TRHDE: variants seen among roughly 807,000 people sequenced by gnomAD.
TRHDE encodes the protein thyrotropin releasing hormone degrading enzyme, also known as thyrotropin-releasing hormone-degrading ectoenzyme.
In TRHDE, 72 loss-of-function variants were observed where a neutral mutation model predicts 125.7. The observed-to-expected ratio is 0.57, with a 90% CI of 0.47 to 0.70. The LOEUF is 0.70. Ranked by LOEUF, TRHDE falls within the 30% of genes least tolerant of loss-of-function variation. The probability of loss-of-function intolerance (pLI) is 0.00; values close to 1 mark genes in which losing one functional copy is unlikely to be tolerated. For missense variants in TRHDE, 1,110 were observed against 1,327.1 expected (o/e 0.84, Z 2.54); for synonymous variants, 509 against 509.1 (o/e 1.00, Z 0.00).
chr12:72,341,145 T>TTA (rs1870066732), intron 2 of TRHDE, among the ~76,000 whole-genome samples: 1 of 151,806 alleles, frequency 6.6e-6, no homozygotes, highest in African/African-American at 2.4e-5. Context: ...TTTTTTTTTT[T>TTA]AATTATACTC....
chr12:72,218,747 A>T (rs1235427372), intron 2 of TRHDE, among the ~76,000 whole-genome samples: 1 of 151,920 alleles, frequency 6.6e-6, no homozygotes, highest in Non-Finnish European at 1.5e-5. Context: ...CCCATCTGTG[A>T]CTCAGTGTCT....
chr12:72,186,740 T>C (rs1466280743), intron 2 of TRHDE: 1 of 152,218 alleles, frequency 6.6e-6, no homozygotes, highest in Non-Finnish European at 1.5e-5. Flanking sequence ...CAAATAGAAT[T>C]ATTTTACTAA....
intron 2 of TRHDE, among the ~76,000 whole-genome samples, chr12:72,177,031 G>T (rs1351167134): frequency 6.6e-6 from 1 of 152,054 alleles, no homozygotes; most frequent in African/African-American, 2.4e-5. Flanking sequence ...GATATTCTTG[G>T]AATGGCTATC....
At chr12:72,100,545 G>A (rs1386263470) in intron 1 of TRHDE, among the ~76,000 whole-genome samples, 2 of 152,192 alleles carry the variant, frequency 1.3e-5, no homozygotes, top group South Asian at 2.1e-4. Flanking sequence ...AATCACTGTG[G>A]TGTGTTTGCT....
At chr12:72,108,202 A>G (rs1875233314) in intron 2 of TRHDE, among the ~76,000 whole-genome samples, 1 of 152,094 alleles carries the variant, frequency 6.6e-6, no homozygotes, top group Admixed American at 6.6e-5. Flanking sequence ...GATATTGTTG[A>G]TTGTAGGGCA....
chr12:72,520,541 T>C (rs984524046), intron 6 of TRHDE, among the ~76,000 whole-genome samples: 1 of 152,124 alleles, frequency 6.6e-6, no homozygotes, highest in Non-Finnish European at 1.5e-5. Flanking sequence ...GCCCACTCTC[T>C]GGCACTCCCT....
chr12:72,660,572 C>T (rs1874877613), intron 18 of TRHDE, among the ~76,000 whole-genome samples: 1 of 152,174 alleles, frequency 6.6e-6, no homozygotes, highest in Admixed American at 6.5e-5. Flanking sequence ...GTCCCTTCAG[C>T]ACCTGACCCT....
intron 2 of TRHDE, among the ~76,000 whole-genome samples, chr12:72,333,738 G>A (rs537905889): frequency 2.6e-5 from 4 of 152,184 alleles, no homozygotes; most frequent in Non-Finnish European, 4.4e-5. Context: ...CAGATTGAGC[G>A]AGTGCTTTGA....
intron 2 of TRHDE, among the ~76,000 whole-genome samples, chr12:72,207,295 C>A (rs1446284124): frequency 1.3e-5 from 2 of 152,102 alleles, no homozygotes; most frequent in Admixed American, 6.5e-5. Context: ...TGTTTTTTAT[C>A]CCATGTAACC....
chr12:72,289,174 A>G (rs1201429719), intron 2 of TRHDE, among the ~76,000 whole-genome samples: 1 of 152,168 alleles, frequency 6.6e-6, no homozygotes, highest in Non-Finnish European at 1.5e-5. Context: ...GGATGATCAC[A>G]TGAAGTCCAG....
intron 2 of TRHDE, among the ~76,000 whole-genome samples, chr12:72,361,318 A>G (rs1005895783): frequency 6.6e-5 from 10 of 151,934 alleles, no homozygotes; most frequent in African/African-American, 2.4e-4. Context: ...ATATTTTAAC[A>G]AAGTTAATGT....
chr12:72,337,513 G>A (rs12818964), intron 2 of TRHDE, among the ~76,000 whole-genome samples: 52,750 of 151,954 alleles, frequency 0.35, 9,892 homozygotes, highest in Non-Finnish European at 0.43. Flanking sequence ...TTAATTATTT[G>A]TGGTGTTACC....
At chr12:72,211,774 G>T (rs1877787912) in intron 2 of TRHDE, among the ~76,000 whole-genome samples, 1 of 152,062 alleles carries the variant, frequency 6.6e-6, no homozygotes, top group Admixed American at 6.6e-5. Context: ...TAACAAAAAA[G>T]ACTAATACAA....
Position 72,273,313 on chromosome 12 carries a change from TACGTAGTGCTGC to T in TRHDE, c.674_685del (p.Val225_His228del), listed in dbSNP as rs1324877305. ...GATCGCGTGCCGGAACGCCACCCGCTACGTAGTGCTGCACGCTTCCCGAGTGGCGGTGGAGAA... is the reference window on the plus strand; with the variant it reads ...GATCGCGTGCCGGAACGCCACCCGCTACGCTTCCCGAGTGGCGGTGGAGAA... On this transcript the variant is annotated inframe_deletion, in exon 1 of 19. Transcript: ENST00000261180. This position sits in a 1 kb window ranked among gnomAD's most constrained non-coding sequence, Gnocchi z 5.3. The T allele has an allele frequency of 1.2e-6, 2 of 1,613,510 alleles. No individual in the cohort carries two copies. Among genetic ancestry groups the T allele is most frequent in the Non-Finnish European group, 1.7e-6 (2 of 1,179,886 alleles).
intron 12 of TRHDE, among the ~76,000 whole-genome samples, chr12:72,602,585 G>T (rs1162435128): frequency 6.6e-6 from 1 of 152,144 alleles, no homozygotes; most frequent in African/African-American, 2.4e-5. Context: ...GGCAGAAGTG[G>T]TGGGCTGGAG....
At chr12:72,661,746 C>T (rs576064266) in intron 18 of TRHDE, among the ~76,000 whole-genome samples, 1 of 152,226 alleles carries the variant, frequency 6.6e-6, no homozygotes, top group African/African-American at 2.4e-5. Context: ...TTTGCTTCTT[C>T]CTTTTTTCTT....
At chr12:72,233,247 G>A (rs1042740395) in intron 2 of TRHDE, among the ~76,000 whole-genome samples, 1 of 152,142 alleles carries the variant, frequency 6.6e-6, no homozygotes. Context: ...AGGAGAAAAC[G>A]CTCTTATGAA....
intron 2 of TRHDE, among the ~76,000 whole-genome samples, chr12:72,356,639 A>T (rs1870836078): frequency 6.6e-6 from 1 of 151,544 alleles, no homozygotes; most frequent in Admixed American, 6.6e-5. Context: ...AATCTATGTG[A>T]AAGATGAAGT....
intron 2 of TRHDE, among the ~76,000 whole-genome samples, chr12:72,152,037 G>C (rs960648433): frequency 6.6e-6 from 1 of 151,792 alleles, no homozygotes; most frequent in African/African-American, 2.4e-5. Context: ...AGCATGGAAT[G>C]TTCTTCCATT....
Sources: allele counts gnomAD v4.1 joint callset (sites outside exome capture counted in the v4.1 genomes callset), GRCh38; gene constraint gnomAD v4.1.1; non-coding constraint Gnocchi (gnomAD v3.1); transcripts MANE v1.5; gene names NCBI Gene and HGNC (gene_info 2026-07-23, HGNC 2026-07-21).